MTG1: variants seen among roughly 807,000 people sequenced by gnomAD.
The protein encoded by MTG1 is mitochondrial ribosome associated GTPase 1.
A neutral mutation model predicts 39.5 loss-of-function variants in MTG1; 30 were observed. That is an observed-to-expected ratio of 0.76 (90% CI 0.57 to 1.03). The LOEUF is 1.03. Among genes scored for constraint, MTG1 ranks in the 50% least tolerant of loss-of-function variants. The pLI, the probability that MTG1 is intolerant of heterozygous loss-of-function variation, is 0.00. For synonymous variants in MTG1, 217 were observed against 179.0 expected (o/e 1.21, Z -1.69); for missense variants, 513 against 447.4 (o/e 1.15, Z -1.32).
intron 9 of MTG1, among the ~76,000 whole-genome samples, chr10:133,413,255 C>T (rs1444333504): frequency 6.6e-5 from 10 of 152,128 alleles, no homozygotes; most frequent in African/African-American, 7.2e-5. Context: ...GGATTACAGG[C>T]GCCTGCCACC....
rs757542743 is a variant in MTG1, at chr10:133,395,759, C to T, written c.159C>T (p.Ile53=). 4 of 1,614,020 alleles carry T rather than the reference C, an allele frequency of 2.5e-6. No individual in the cohort carries two copies. In the South Asian group the frequency reaches 3.3e-5, roughly 13 times the overall value. Residue 53 remains isoleucine (I), a synonymous_variant, in exon 2 of 11, where the codon ATC becomes ATT. Transcript: ENST00000317502. The part of the protein sequence containing the change: ...QSSLKLVDCI[I]EVHDARIPLS... ...GCCTGAAGCTGGTGGACTGTATCATCGAGGTCCACGATGCCCGGATATCCT... is the reference window on the plus strand; with the variant it reads ...GCCTGAAGCTGGTGGACTGTATCATTGAGGTCCACGATGCCCGGATATCCT...
At chr10:133,415,831 AGGTATCAGGCACGCG>A (rs1564823275) in intron 9 of MTG1, among the ~76,000 whole-genome samples, 2 of 152,064 alleles carry the variant, frequency 1.3e-5, no homozygotes, top group Non-Finnish European at 2.9e-5. Context: ...TCAGGCATGC[AGGTATCAGGCACGCG>A]GGTATCAGGC....
At chr10:133,395,657 C>T (rs144738584) in intron 1 of MTG1, 56 bp from the exon 2 acceptor site, 21 of 1,551,710 alleles carry the variant, frequency 1.4e-5, no homozygotes, top group Middle Eastern at 3.4e-4. Flanking sequence ...CAGCTTGAAT[C>T]GATCACTCTA....
rs1456839351 is a variant in MTG1, at chr10:133,418,092, C to T, written c.753-1388C>T. On this transcript the variant is annotated intron_variant, in intron 9 of 10. Transcript: ENST00000317502. ...AATCTCAGCCCACTGCAGCCTCCAC[C>T]TCCTGGGTTCAAGCGATTCTCCCGC... 2.6e-5 allele frequency among the ~76,000 whole-genome samples: 4 copies of T among 152,246 alleles called. No individual in the cohort carries two copies. In the East Asian group the frequency reaches 7.7e-4, roughly 29 times the overall value.
At chr10:133,403,885 T>C (rs930223186) in intron 9 of MTG1, among the ~76,000 whole-genome samples, 2 of 152,172 alleles carry the variant, frequency 1.3e-5, no homozygotes, top group African/African-American at 4.8e-5. Flanking sequence ...CTGTTTTATA[T>C]GCTGGCAAGC....
At chr10:133,419,995 T>G (rs1467659151) in intron 10 of MTG1, 31 bp from the exon 11 acceptor site, 1 of 1,583,292 alleles carries the variant, frequency 6.3e-7, no homozygotes, top group East Asian at 2.2e-5. Flanking sequence ...CTGTGAAGGC[T>G]CCTTCCTCAC....
rs539891739 is a variant in MTG1, at chr10:133,400,136, G to A, written c.511+517G>A. Among the ~76,000 whole-genome samples, 51 of 152,176 alleles carry A rather than the reference G, an allele frequency of 3.4e-4. No homozygotes were observed. In the South Asian group the frequency reaches 4.8e-3, roughly 14 times the overall value. ...GAACCCGGGAGGCGGAGCTTGCAGT[G>A]AGTTGAGATTGTGCCACTGCGTTCC... On this transcript the variant is annotated intron_variant, in intron 6 of 10. Transcript: ENST00000317502.
At chr10:133,397,849 A>ACTCC (rs1453296678) in intron 3 of MTG1, among the ~76,000 whole-genome samples, 3 of 148,798 alleles carry the variant, frequency 2.0e-5, no homozygotes, top group Admixed American at 6.7e-5. Context: ...ATCAGTGGCA[A>ACTCC]CTCCTGCCTT....
intron 7 of MTG1, 113 bp downstream of exon 7, chr10:133,401,703 T>G: frequency 9.9e-7 from 1 of 1,012,754 alleles, no homozygotes; most frequent in Non-Finnish European, 1.5e-6. Context: ...TCCCCTCCAC[T>G]CAGTGTCCCC....
At chr10:133,401,937 G>T in intron 7 of MTG1, 1 of 616,716 alleles carries the variant, frequency 1.6e-6, no homozygotes. Flanking sequence ...CAAGCTGTTG[G>T]GACCTGACGC....
intron 9 of MTG1, among the ~76,000 whole-genome samples, chr10:133,417,522 G>C (rs535059933): frequency 1.1e-4 from 17 of 151,420 alleles, no homozygotes; most frequent in African/African-American, 3.9e-4. Context: ...TGGAAGTTCT[G>C]GCCAGGGCAG....
chr10:133,406,938 G>A (rs187792796), intron 9 of MTG1, among the ~76,000 whole-genome samples: 3 of 152,148 alleles, frequency 2.0e-5, no homozygotes, highest in Admixed American at 1.3e-4. Context: ...CACCGCACCC[G>A]GCCAGATTTA....
At chr10:133,410,986 A>G (rs1200116991) in intron 9 of MTG1, among the ~76,000 whole-genome samples, 2 of 152,156 alleles carry the variant, frequency 1.3e-5, no homozygotes, top group Non-Finnish European at 2.9e-5. Context: ...TAGTCTTCAC[A>G]CTAGAGATGT....
chr10:133,394,382 C>T (rs1264681743), intron 1 of MTG1, 50 bp downstream of exon 1: 1 of 1,403,614 alleles, frequency 7.1e-7, no homozygotes, highest in Non-Finnish European at 9.3e-7. Flanking sequence ...CGCGGCGCCT[C>T]TGCTTCCCTC....
At chr10:133,415,622 G>T (rs1296675624) in intron 9 of MTG1, among the ~76,000 whole-genome samples, 1 of 152,220 alleles carries the variant, frequency 6.6e-6, no homozygotes, top group Non-Finnish European at 1.5e-5. Flanking sequence ...TTGTTCCTCT[G>T]CTGCTTCCAG....
intron 9 of MTG1, among the ~76,000 whole-genome samples, chr10:133,410,607 CA>C (rs1364172650): frequency 1.1e-4 from 17 of 152,200 alleles, no homozygotes; most frequent in African/African-American, 4.1e-4. Context: ...ATATTTATAA[CA>C]AGTTATTTAG....
chr10:133,416,030 G>T (rs963121862), intron 9 of MTG1, among the ~76,000 whole-genome samples: 2 of 136,458 alleles, frequency 1.5e-5, no homozygotes, highest in South Asian at 4.4e-4. Context: ...TGGGTGTCGG[G>T]CAGGCGGGCG....
At chr10:133,399,967 C>T (rs981434269) in intron 6 of MTG1, among the ~76,000 whole-genome samples, 2 of 152,150 alleles carry the variant, frequency 1.3e-5, no homozygotes, top group African/African-American at 2.4e-5. Context: ...CCGAGGCGGG[C>T]GGATCATGAG....
intron 9 of MTG1, among the ~76,000 whole-genome samples, chr10:133,405,176 T>A (rs1409081436): frequency 2.0e-5 from 3 of 152,218 alleles, no homozygotes; most frequent in African/African-American, 7.2e-5. Flanking sequence ...CTTCATTTAT[T>A]TAGGTCTTTA....
Sources: allele counts gnomAD v4.1 joint callset (sites outside exome capture counted in the v4.1 genomes callset), GRCh38; gene constraint gnomAD v4.1.1; transcripts MANE v1.5; gene names NCBI Gene and HGNC (gene_info 2026-07-23, HGNC 2026-07-21).